CCDC85A: variants seen among roughly 807,000 people sequenced by gnomAD.
CCDC85A encodes the protein coiled-coil domain containing 85A.
CCDC85A carries 38 observed loss-of-function variants against 50.2 expected under a neutral mutation model. That is an observed-to-expected ratio of 0.76 (90% CI 0.58 to 0.99). The LOEUF is 0.99. Ranked by LOEUF, CCDC85A falls within the 50% of genes least tolerant of loss-of-function variation. The pLI, the probability that CCDC85A is intolerant of heterozygous loss-of-function variation, is 0.00. For missense variants in CCDC85A, 820 were observed against 742.0 expected (o/e 1.11, Z -1.22); for synonymous variants, 366 against 301.4 (o/e 1.21, Z -2.22).
In CCDC85A at chr2:56,385,135, G is replaced by C. The variant is rs1350713923; in HGVS notation, c.*780G>C. The C allele has an allele frequency of 6.6e-6, 1 of 151,846 alleles. No homozygotes were observed. The highest frequency in any genetic ancestry group is 1.5e-5 in the Non-Finnish European group (1 of 67,740). 9.4% of individuals were successfully genotyped at this position (151,846 alleles called of 1,614,324 possible). A position where few individuals can be genotyped will look rare whatever the true frequency, so the allele number is the denominator to read the frequency against. On this transcript the variant is annotated 3_prime_UTR_variant, in exon 6 of 6. Transcript: ENST00000407595. ...TCATATTCATTCAGTGTATCCATTG[G>C]TGTTAATATTAACAATTTCAACTAA... is the stretch of plus-strand genomic sequence containing the variant.
At chr2:56,317,728 G>A (rs371298905) in intron 2 of CCDC85A, among the ~76,000 whole-genome samples, 36 of 152,168 alleles carry the variant, frequency 2.4e-4, no homozygotes, top group African/African-American at 8.2e-4. Context: ...TTTTGGTTTG[G>A]AAAAAGGAAT....
At chr2:56,231,573 G>A (rs1668774336) in intron 2 of CCDC85A, among the ~76,000 whole-genome samples, 2 of 152,138 alleles carry the variant, frequency 1.3e-5, no homozygotes, top group African/African-American at 2.4e-5. Flanking sequence ...CTAAGAATGA[G>A]TCAGTTGGGT....
intron 2 of CCDC85A, among the ~76,000 whole-genome samples, chr2:56,270,360 C>G (rs942662150): frequency 6.6e-6 from 1 of 152,046 alleles, no homozygotes; most frequent in African/African-American, 2.4e-5. Flanking sequence ...AATGAAGAAT[C>G]CTGGATAGTC....
chr2:56,212,425 C>T lies in CCDC85A; in HGVS notation c.1240+18985C>T, dbSNP rs200208361. Among the ~76,000 whole-genome samples, 65 of 112,074 alleles carry T rather than the reference C, an allele frequency of 5.8e-4. 1 individual carries two copies. Among genetic ancestry groups the T allele is most frequent in the African/African-American group, 1.7e-3 (63 of 36,778 alleles). The allele number at this position is 112,074 out of a possible 152,430, so 73.5% of individuals were successfully genotyped here. On this transcript the variant is annotated intron_variant, in intron 2 of 5. Coordinates refer to ENST00000407595, the MANE Select transcript of CCDC85A (RefSeq NM_001080433.2). ...GAACCCATTCCAAAATTACTGTTGT[C>T]GAATGGCAGTGTTCAGAGTATTCAT...
intron 3 of CCDC85A, among the ~76,000 whole-genome samples, chr2:56,343,485 CTTAA>C (rs1313709540): frequency 6.6e-6 from 1 of 152,140 alleles, no homozygotes; most frequent in African/African-American, 2.4e-5. Flanking sequence ...TTTCTTTCCC[CTTAA>C]TTAAAGTAAA....
At chr2:56,233,002 C>T (rs1342559225) in intron 2 of CCDC85A, among the ~76,000 whole-genome samples, 1 of 152,154 alleles carries the variant, frequency 6.6e-6, no homozygotes, top group Admixed American at 6.5e-5. Flanking sequence ...CACATTGTCC[C>T]CATTTCTTTT....
chr2:56,206,029 GAA>G (rs983443363), intron 2 of CCDC85A, among the ~76,000 whole-genome samples: 9 of 152,114 alleles, frequency 5.9e-5, no homozygotes, highest in Non-Finnish European at 1.3e-4. Context: ...GTCTGAGAGA[GAA>G]AGTGTAGAGG....
chr2:56,202,344 C>T (rs1676780442), intron 2 of CCDC85A, among the ~76,000 whole-genome samples: 1 of 152,214 alleles, frequency 6.6e-6, no homozygotes, highest in Admixed American at 6.5e-5. Context: ...ATTCCTATTC[C>T]TAACCTGGGA....
intron 2 of CCDC85A, among the ~76,000 whole-genome samples, chr2:56,276,567 A>G (rs1161830125): frequency 6.6e-6 from 1 of 152,064 alleles, no homozygotes. Flanking sequence ...CTTGGCTCTC[A>G]TTCTCTCTCT....
intron 2 of CCDC85A, among the ~76,000 whole-genome samples, chr2:56,293,375 C>T (rs1475307286): frequency 6.6e-6 from 1 of 152,110 alleles, no homozygotes; most frequent in Non-Finnish European, 1.5e-5. Flanking sequence ...TATAAAAACC[C>T]TAGAGGAAAA....
At chr2:56,255,277 C>T (rs1669933243) in intron 2 of CCDC85A, among the ~76,000 whole-genome samples, 1 of 152,160 alleles carries the variant, frequency 6.6e-6, no homozygotes, top group Non-Finnish European at 1.5e-5. Context: ...AGAAATAAAG[C>T]ATATCAGTGA....
At chr2:56,333,756 A>G (rs761801001) in intron 2 of CCDC85A, among the ~76,000 whole-genome samples, 26 of 152,190 alleles carry the variant, frequency 1.7e-4, no homozygotes, top group Non-Finnish European at 3.2e-4. Flanking sequence ...GGGGTGTGAG[A>G]GAGAGGAACC....
At chr2:56,266,673 T>C (rs886812048) in intron 2 of CCDC85A, among the ~76,000 whole-genome samples, 8 of 144,156 alleles carry the variant, frequency 5.5e-5, no homozygotes, top group African/African-American at 2.0e-4. Flanking sequence ...AGATTTCTGG[T>C]TTATGGTTTT....
In CCDC85A at chr2:56,368,530, C is replaced by T. The variant is rs571443373; in HGVS notation, c.1318-3814C>T. ...TATCCTCCCCCTTAAACTAGGCATA[C>T]ACTCTGATGAGGTATTAAATATTAT... is the stretch of plus-strand genomic sequence containing the variant. On this transcript the variant is annotated intron_variant, in intron 3 of 5. Transcript: ENST00000407595. 2.0e-5 allele frequency among the ~76,000 whole-genome samples: 3 copies of T among 152,116 alleles called. No homozygotes were observed. In the East Asian group the frequency reaches 5.8e-4, roughly 29 times the overall value.
At chr2:56,364,295 C>T (rs1675681563) in intron 3 of CCDC85A, among the ~76,000 whole-genome samples, 1 of 151,442 alleles carries the variant, frequency 6.6e-6, no homozygotes, top group Non-Finnish European at 1.5e-5. Flanking sequence ...AAAAAGGCAT[C>T]CTGCTAACCT....
intron 2 of CCDC85A, among the ~76,000 whole-genome samples, chr2:56,225,491 C>T (rs1668505945): frequency 1.3e-5 from 2 of 152,110 alleles, no homozygotes; most frequent in African/African-American, 4.8e-5. Flanking sequence ...TTTCATTGAC[C>T]TATATGCCTC....
At chr2:56,203,474 G>A (rs1676829048) in intron 2 of CCDC85A, among the ~76,000 whole-genome samples, 2 of 150,308 alleles carry the variant, frequency 1.3e-5, no homozygotes, top group Non-Finnish European at 3.0e-5. Flanking sequence ...TAATTTCTTT[G>A]GCTTTTTTCC....
intron 2 of CCDC85A, among the ~76,000 whole-genome samples, chr2:56,233,769 T>A (rs1668879453): frequency 6.6e-6 from 1 of 152,180 alleles, no homozygotes. Context: ...CTGTAACCAA[T>A]CCCTGAATTG....
rs1235874511 is a variant in CCDC85A at position 56,192,373 on chromosome 2, T to C, written c.277-104T>C. 6.7e-7 allele frequency: 1 copy of C among 1,497,486 alleles called. No homozygotes were observed. The highest frequency in any genetic ancestry group is 1.4e-5 in the African/African-American group (1 of 71,358). 92.8% of individuals were successfully genotyped at this position (1,497,486 alleles called of 1,614,324 possible). A position where few individuals can be genotyped will look rare whatever the true frequency, so the allele number is the denominator to read the frequency against. ...TACTCCCTCACCTCCTCCCCTAACC[T>C]CACAGGTAATTCACCAGTTACAGGC... On this transcript the variant is annotated intron_variant, in intron 1 of 5. Transcript: ENST00000407595. The surrounding 1 kb of genome is among the most constrained non-coding windows in gnomAD (Gnocchi z 4.7).
Sources: allele counts gnomAD v4.1 joint callset (sites outside exome capture counted in the v4.1 genomes callset), GRCh38; gene constraint gnomAD v4.1.1; non-coding constraint Gnocchi (gnomAD v3.1); transcripts MANE v1.5; gene names NCBI Gene and HGNC (gene_info 2026-07-23, HGNC 2026-07-21).